Variants in AFAP1 observed in about 807,000 individuals in gnomAD.
AFAP1 encodes the protein actin filament associated protein 1, also known as actin filament-associated protein 1.
In AFAP1, 75 loss-of-function variants were observed where a neutral mutation model predicts 93.9. That is an observed-to-expected ratio of 0.80 (90% confidence interval 0.66 to 0.97). The LOEUF is 0.97. Among genes scored for constraint, AFAP1 ranks in the 50% least tolerant of loss-of-function variants. AFAP1 has a pLI of 0.00. For missense variants in AFAP1, 1,201 were observed against 1,050.8 expected (o/e 1.14, Z -1.98); for synonymous variants, 517 against 430.7 (o/e 1.20, Z -2.48).
chr4:7,773,858 CATT>C (rs1368242167), intron 15 of AFAP1: 1 of 152,432 alleles, frequency 6.6e-6, no homozygotes, highest in Non-Finnish European at 1.5e-5. Context: ...TTCATCAGAT[CATT>C]GAGGCACAAA....
chr4:7,855,625 A>T (rs775750879), intron 3 of AFAP1, 51 bp from the exon 4 acceptor site: 9 of 1,431,442 alleles, frequency 6.3e-6, no homozygotes, highest in Middle Eastern at 3.5e-4. Flanking sequence ...CATTAGAAGG[A>T]AATTCTGGAT....
intron 1 of AFAP1, among the ~76,000 whole-genome samples, chr4:7,905,861 T>TAC (rs1158676623): frequency 6.6e-6 from 1 of 152,142 alleles, no homozygotes; most frequent in Non-Finnish European, 1.5e-5. Flanking sequence ...CAGTAACATT[T>TAC]ACCAAACAGC....
rs145895883 is a variant in AFAP1 at position 7,851,785 on chromosome 4, C to T, written c.334+3681G>A. On this transcript the variant is annotated intron_variant, in intron 4 of 17. Transcript: ENST00000420658. ...CAACCTCCTTACCCCATCCCCACGC[C>T]CTGACACCATCCCTGGGATATCAGC... Among the ~76,000 whole-genome samples the T allele has an allele frequency of 2.6e-3, 390 of 152,286 alleles. 2 individuals are homozygous for T. The highest frequency in any genetic ancestry group is 4.0e-3 in the Non-Finnish European group (273 of 68,024).
chr4:7,809,837 A>C (rs1187529966), intron 8 of AFAP1, 74 bp from the exon 9 acceptor site: 2 of 1,525,154 alleles, frequency 1.3e-6, no homozygotes, highest in Non-Finnish European at 1.8e-6. Context: ...CATACATCAA[A>C]ACCCATTTCT....
chr4:7,938,166 T>A (rs976753629), intron 1 of AFAP1, among the ~76,000 whole-genome samples: 1 of 151,552 alleles, frequency 6.6e-6, no homozygotes, highest in African/African-American at 2.4e-5. Flanking sequence ...AGGTGCGGCG[T>A]AGAGTGGGGG....
chr4:7,931,576 T>G (rs927571034), intron 1 of AFAP1, among the ~76,000 whole-genome samples: 4 of 147,600 alleles, frequency 2.7e-5, no homozygotes, highest in African/African-American at 7.6e-5. Flanking sequence ...GAGGTGGAGG[T>G]CTCGCTATGT....
chr4:7,926,184 A>G (rs752212970), intron 1 of AFAP1, among the ~76,000 whole-genome samples: 1 of 152,240 alleles, frequency 6.6e-6, no homozygotes, highest in Non-Finnish European at 1.5e-5. Flanking sequence ...CAACTTAGGT[A>G]CACATGGCTT....
At position 7,939,597 on chromosome 4, in the gene AFAP1, G is replaced by T; in HGVS notation, c.-3+59C>A. 1 of 400,746 alleles carries T rather than the reference G, an allele frequency of 2.5e-6. No individual in the cohort carries two copies. The highest frequency in any genetic ancestry group is 4.9e-6 in the Non-Finnish European group (1 of 204,084). 24.8% of individuals were successfully genotyped at this position (400,746 alleles called of 1,614,324 possible). The stretch of plus-strand genomic sequence containing the variant: ...GCGGAGCCCCGCTCGGAGCTTCCAC[G>T]CCCGGGGCAGAGACCCCCGCCGGGT... On this transcript the variant is annotated intron_variant, in intron 1 of 17. Coordinates refer to ENST00000420658, the MANE Select transcript of AFAP1 (RefSeq NM_001134647.2). The surrounding 1 kb of genome is among the most constrained non-coding windows in gnomAD (Gnocchi z 5.6).
At chr4:7,794,530 A>T (rs901183759) in intron 10 of AFAP1, among the ~76,000 whole-genome samples, 19 of 150,450 alleles carry the variant, frequency 1.3e-4, no homozygotes, top group South Asian at 4.2e-4. Context: ...TTATTTATTT[A>T]TTTTTTTTTG....
chr4:7,893,761 A>G (rs1418225816), intron 1 of AFAP1, among the ~76,000 whole-genome samples: 3 of 152,068 alleles, frequency 2.0e-5, no homozygotes, highest in Admixed American at 6.5e-5. Context: ...TGATATCTGC[A>G]TTCTAACATG....
At chr4:7,855,331 C>T in intron 4 of AFAP1, 135 bp downstream of exon 4, 1 of 655,718 alleles carries the variant, frequency 1.5e-6, no homozygotes, top group South Asian at 2.0e-5. Flanking sequence ...CTGACAATCT[C>T]TTTGGGTTCA....
chr4:7,874,442 C>CA (rs1465926315), intron 1 of AFAP1, among the ~76,000 whole-genome samples: 1 of 140,794 alleles, frequency 7.1e-6, no homozygotes, highest in Non-Finnish European at 1.5e-5. Context: ...CGGCTCACTG[C>CA]AAGTTCTGCC....
chr4:7,828,075 G>T (rs1721587267), intron 6 of AFAP1, among the ~76,000 whole-genome samples: 1 of 152,180 alleles, frequency 6.6e-6, no homozygotes, highest in Admixed American at 6.5e-5. Context: ...TCAAATGTGG[G>T]TGTCCACAGG....
At chr4:7,849,323 A>T (rs4377592) in intron 4 of AFAP1, among the ~76,000 whole-genome samples, 11 of 151,916 alleles carry the variant, frequency 7.2e-5, no homozygotes, top group Non-Finnish European at 1.5e-4. Flanking sequence ...TCTGGGCACA[A>T]GGCTGAGCAA....
At chr4:7,915,374 T>G (rs1404812255) in intron 1 of AFAP1, among the ~76,000 whole-genome samples, 1 of 145,208 alleles carries the variant, frequency 6.9e-6, no homozygotes, top group Non-Finnish European at 1.5e-5. Context: ...GTCTGTTCGG[T>G]TGGGTGTGGT....
intron 1 of AFAP1, among the ~76,000 whole-genome samples, chr4:7,917,781 T>C (rs963995475): frequency 6.6e-5 from 10 of 152,104 alleles, no homozygotes; most frequent in Non-Finnish European, 1.2e-4. Context: ...ACTCCTCTGG[T>C]TCTGTGTACC....
At chr4:7,931,061 A>G (rs1234730093) in intron 1 of AFAP1, among the ~76,000 whole-genome samples, 2 of 152,156 alleles carry the variant, frequency 1.3e-5, no homozygotes, top group East Asian at 1.9e-4. Flanking sequence ...CACTATCACA[A>G]TAATTATACT....
intron 3 of AFAP1, among the ~76,000 whole-genome samples, chr4:7,857,344 G>C (rs1715183812): frequency 6.6e-6 from 1 of 152,164 alleles, no homozygotes; most frequent in African/African-American, 2.4e-5. Flanking sequence ...ACCCACTGCA[G>C]ATTCAACCCA....
intron 1 of AFAP1, among the ~76,000 whole-genome samples, chr4:7,903,361 C>T (rs998379654): frequency 6.6e-6 from 1 of 152,256 alleles, no homozygotes; most frequent in African/African-American, 2.4e-5. Flanking sequence ...AGCCACCCTA[C>T]ACTGGGGTGA....
Sources: gnomAD v4.1 joint callset for allele counts (sites outside exome capture counted in the v4.1 genomes callset) on GRCh38, gnomAD v4.1.1 for gene constraint, Gnocchi (gnomAD v3.1) non-coding constraint, MANE v1.5 for transcripts, NCBI Gene and HGNC (gene_info 2026-07-23, HGNC 2026-07-21) for gene names.